Variants in SYN3 observed in about 807,000 individuals in gnomAD.
The protein encoded by SYN3 is synapsin III, also known as synapsin-3.
A neutral mutation model predicts 65.8 loss-of-function variants in SYN3; 35 were observed. That is an observed-to-expected ratio of 0.53 (90% CI 0.41 to 0.70). The LOEUF (loss-of-function observed/expected upper bound fraction) is 0.70. SYN3 is among the 30% of genes least tolerant of loss of function. SYN3 has a pLI of 0.00. For missense variants in SYN3, 680 were observed against 749.0 expected, an observed-to-expected ratio of 0.91 and a Z score of 1.08; for synonymous variants, 270 against 292.9, an observed-to-expected ratio of 0.92 and a Z score of 0.80.
intron 6 of SYN3, among the ~76,000 whole-genome samples, chr22:32,700,053 A>G (rs1184576742): frequency 1.3e-5 from 2 of 152,182 alleles, no homozygotes; most frequent in African/African-American, 4.8e-5. Context: ...TGCTCCTAGA[A>G]CAAAGCTTGT....
In SYN3 at chr22:32,733,236, C is replaced by T. The variant is rs144957492; in HGVS notation, c.711+131679G>A. 3.9e-5 allele frequency among the ~76,000 whole-genome samples: 6 copies of T among 152,262 alleles called. No homozygotes were observed. The East Asian group carries it at 9.7e-4, about 25-fold the overall frequency. Reference sequence around the variant, plus strand: ...TTGAAGGGGATCACAGCAGCATCAGCATCGACAGAACTTTATCTTACCCAA... The same window carrying T: ...TTGAAGGGGATCACAGCAGCATCAGTATCGACAGAACTTTATCTTACCCAA... On this transcript the variant is annotated intron_variant, in intron 6 of 13. Transcript: ENST00000358763.
chr22:32,745,017 A>C (rs1331750012), intron 6 of SYN3, among the ~76,000 whole-genome samples: 1 of 152,180 alleles, frequency 6.6e-6, no homozygotes, highest in Non-Finnish European at 1.5e-5. Flanking sequence ...TCATTTATCA[A>C]AATGTTAGGA....
At chr22:32,604,444 C>G (rs1230745687) in intron 6 of SYN3, among the ~76,000 whole-genome samples, 1 of 144,464 alleles carries the variant, frequency 6.9e-6, no homozygotes, top group Non-Finnish European at 1.5e-5. Flanking sequence ...CCTCCAGCCA[C>G]GGTCTTTGCG....
chr22:32,595,302 A>C (rs1056817751), intron 7 of SYN3, among the ~76,000 whole-genome samples: 2 of 152,190 alleles, frequency 1.3e-5, no homozygotes, highest in East Asian at 1.9e-4. Flanking sequence ...GACTGTCTGA[A>C]GAAAATGCCA....
chr22:32,772,182 G>A (rs143434149), intron 6 of SYN3, among the ~76,000 whole-genome samples: 17 of 151,450 alleles, frequency 1.1e-4, no homozygotes, highest in Admixed American at 5.2e-4. Flanking sequence ...TGGGCCACAG[G>A]GGGGGAGAAA....
intron 6 of SYN3, among the ~76,000 whole-genome samples, chr22:32,723,195 G>A (rs2061143656): frequency 6.6e-6 from 1 of 152,214 alleles, no homozygotes; most frequent in Admixed American, 6.5e-5. Context: ...CAAGGGCTCT[G>A]GAGCCAGATC....
Position 32,767,202 on chromosome 22 carries a change from G to A in SYN3, c.711+97713C>T, listed in dbSNP as rs16991152. Among the ~76,000 whole-genome samples, 1,467 of 152,234 alleles carry A rather than the reference G, an allele frequency of 9.6e-3. 31 individuals carry two copies. The highest frequency in any genetic ancestry group is 0.034 in the African/African-American group (1,429 of 41,540). The stretch of plus-strand genomic sequence containing the variant: ...TTTCCTCTGCCCACAAGCACACTTG[G>A]GGTTTTGCTTTCGTAAATAAAGTCA... On this transcript the variant is annotated intron_variant, in intron 6 of 13. Transcript: ENST00000358763.
intron 1 of SYN3, among the ~76,000 whole-genome samples, chr22:33,038,680 C>A (rs532487675): frequency 6.6e-6 from 1 of 152,292 alleles, no homozygotes; most frequent in Admixed American, 6.5e-5. Flanking sequence ...AAGAGGCAGA[C>A]AGGAGTGGAA....
At chr22:32,820,166 C>T (rs2047196012) in intron 6 of SYN3, among the ~76,000 whole-genome samples, 1 of 152,056 alleles carries the variant, frequency 6.6e-6, no homozygotes, top group Admixed American at 6.6e-5. Flanking sequence ...CTGAGGCTGG[C>T]TCCTGTGCCC....
At chr22:32,604,456 A>G (rs993830504) in intron 6 of SYN3, among the ~76,000 whole-genome samples, 8 of 115,010 alleles carry the variant, frequency 7.0e-5, no homozygotes, top group Non-Finnish European at 1.4e-4. Context: ...GTCTTTGCGT[A>G]AGCTGTTCCC....
chr22:32,821,666 T>A (rs745504014), intron 6 of SYN3, among the ~76,000 whole-genome samples: 12 of 151,860 alleles, frequency 7.9e-5, no homozygotes, highest in Non-Finnish European at 1.6e-4. Flanking sequence ...TTTCCCAATA[T>A]CTCACAGCAG....
At chr22:32,543,109 T>G (rs1268762835) in intron 7 of SYN3, among the ~76,000 whole-genome samples, 1 of 152,134 alleles carries the variant, frequency 6.6e-6, no homozygotes, top group Admixed American at 6.5e-5. Context: ...CTGCCTGCCC[T>G]TTGTGGCTCA....
intron 4 of SYN3, among the ~76,000 whole-genome samples, chr22:32,876,320 A>G (rs1195261196): frequency 6.6e-6 from 1 of 152,116 alleles, no homozygotes; most frequent in Non-Finnish European, 1.5e-5. Flanking sequence ...TCCTAATCGC[A>G]TTGGGCGTTA....
intron 7 of SYN3, among the ~76,000 whole-genome samples, chr22:32,574,131 C>T (rs1485218774): frequency 6.6e-6 from 1 of 151,646 alleles, no homozygotes; most frequent in Admixed American, 6.6e-5. Flanking sequence ...GGGCCCTTTC[C>T]TTGATGAGGA....
chr22:32,713,588 T>C (rs2060994491), intron 6 of SYN3, among the ~76,000 whole-genome samples: 1 of 152,130 alleles, frequency 6.6e-6, no homozygotes, highest in African/African-American at 2.4e-5. Flanking sequence ...CCCAGCACTT[T>C]GGGAGGCCGA....
intron 7 of SYN3, among the ~76,000 whole-genome samples, chr22:32,543,189 T>G (rs1168236485): frequency 6.6e-6 from 1 of 152,216 alleles, no homozygotes; most frequent in Non-Finnish European, 1.5e-5. Context: ...TTGATGCTTA[T>G]GCAGAGTCTT....
At chr22:32,959,979 G>C (rs1261380484) in intron 3 of SYN3, among the ~76,000 whole-genome samples, 1 of 152,138 alleles carries the variant, frequency 6.6e-6, no homozygotes, top group Non-Finnish European at 1.5e-5. Flanking sequence ...TTTTTAATCT[G>C]CTTAAATATT....
chr22:32,671,319 C>T (rs1354489775), intron 6 of SYN3, among the ~76,000 whole-genome samples: 2 of 151,760 alleles, frequency 1.3e-5, no homozygotes, highest in Non-Finnish European at 2.9e-5. Flanking sequence ...CACACACCTC[C>T]TGTCACATAC....
At chr22:32,780,934 TTTCC>T (rs71187216) in intron 6 of SYN3, among the ~76,000 whole-genome samples, 8,756 of 82,442 alleles carry the variant, frequency 0.11, 499 homozygotes, top group Middle Eastern at 0.22. Context: ...CCTTCCTTCC[TTTCC>T]TTCCTTCCTT....
Sources: allele counts gnomAD v4.1 joint callset (sites outside exome capture counted in the v4.1 genomes callset), GRCh38; gene constraint gnomAD v4.1.1; transcripts MANE v1.5; gene names NCBI Gene and HGNC (gene_info 2026-07-23, HGNC 2026-07-21).